MRPL48: variants seen among roughly 807,000 people sequenced by gnomAD.
MRPL48 encodes large ribosomal subunit protein mL48.
MRPL48 carries 16 observed loss-of-function variants against 32.9 expected under a neutral mutation model. That is an observed-to-expected ratio of 0.49 (90% CI 0.33 to 0.74). The LOEUF is 0.74. Among genes scored for constraint, MRPL48 ranks in the 30% least tolerant of loss-of-function variants. The probability of loss-of-function intolerance (pLI) is 0.02; values close to 1 mark genes in which losing one functional copy is unlikely to be tolerated. For synonymous variants in MRPL48, 94 were observed against 89.2 expected (o/e 1.05, Z -0.31); for missense variants, 206 against 245.3 (o/e 0.84, Z 1.07).
chr11:73,810,554 TCTTTA>T (rs1227422692), intron 3 of MRPL48, among the ~76,000 whole-genome samples: 1 of 107,620 alleles, frequency 9.3e-6, no homozygotes, highest in Admixed American at 8.4e-5. Flanking sequence ...ATGTTTTCTT[TCTTTA>T]TTTTTTTTTT....
At chr11:73,811,155 A>T (rs1034325275) in intron 3 of MRPL48, among the ~76,000 whole-genome samples, 3 of 152,224 alleles carry the variant, frequency 2.0e-5, no homozygotes, top group African/African-American at 7.2e-5. Context: ...AGAAGGAAAG[A>T]GTGGCCAACC....
intron 6 of MRPL48, among the ~76,000 whole-genome samples, chr11:73,861,105 C>T (rs1948578265): frequency 6.6e-6 from 1 of 152,160 alleles, no homozygotes; most frequent in East Asian, 1.9e-4. Flanking sequence ...AGGAACATAT[C>T]AGCAAGGTAA....
In MRPL48 at chr11:73,796,870, A is replaced by T. The variant is rs182096828; in HGVS notation, c.22-8157A>T. ...ACCTGAGGTCAGGAGTTTGAGACCA[A>T]CCTGGCCAACATGGTGAGACCCCAT... On this transcript the variant is annotated intron_variant, in intron 1 of 7. Transcript: ENST00000310614. 4.1e-3 allele frequency among the ~76,000 whole-genome samples: 631 copies of T among 152,212 alleles called. 2 individuals carry two copies. Among genetic ancestry groups the T allele is most frequent in the Non-Finnish European group, 5.4e-3 (368 of 67,996 alleles).
intron 1 of MRPL48, among the ~76,000 whole-genome samples, chr11:73,796,928 G>C (rs187208343): frequency 6.6e-6 from 1 of 152,304 alleles, no homozygotes; most frequent in South Asian, 2.1e-4. Context: ...TTAGCCGAGC[G>C]TGGTGGTGGG....
intron 3 of MRPL48, among the ~76,000 whole-genome samples, chr11:73,809,570 T>G (rs748312036): frequency 5.9e-5 from 9 of 152,146 alleles, no homozygotes; most frequent in Non-Finnish European, 1.0e-4. Context: ...TTATTAATAC[T>G]GCTACTATTC....
chr11:73,793,988 T>A (rs978859847), intron 1 of MRPL48, among the ~76,000 whole-genome samples: 1 of 150,798 alleles, frequency 6.6e-6, no homozygotes, highest in African/African-American at 2.4e-5. Context: ...ATTACAGACG[T>A]GAGCCACCAC....
intron 1 of MRPL48, among the ~76,000 whole-genome samples, chr11:73,797,165 G>C (rs1200306461): frequency 6.6e-6 from 1 of 152,100 alleles, no homozygotes; most frequent in Non-Finnish European, 1.5e-5. Context: ...TCTCTGCTGA[G>C]AGCTGGGAAG....
chr11:73,840,109 A>C (rs952804222), intron 4 of MRPL48, among the ~76,000 whole-genome samples: 7 of 152,024 alleles, frequency 4.6e-5, no homozygotes, highest in South Asian at 2.1e-4. Flanking sequence ...AAAAAAAAAA[A>C]AAAACTCAGT....
At chr11:73,824,792 G>A (rs946455466) in intron 3 of MRPL48, among the ~76,000 whole-genome samples, 3 of 152,090 alleles carry the variant, frequency 2.0e-5, no homozygotes, top group Non-Finnish European at 4.4e-5. Flanking sequence ...CTCTGAGAAT[G>A]TATTTTATCC....
chr11:73,827,155 C>A (rs1389480662), intron 4 of MRPL48, among the ~76,000 whole-genome samples: 1 of 151,984 alleles, frequency 6.6e-6, no homozygotes, highest in Non-Finnish European at 1.5e-5. Flanking sequence ...GAAGCTGAGG[C>A]AGGCAGATCT....
intron 1 of MRPL48, among the ~76,000 whole-genome samples, chr11:73,790,880 C>CTTTTTTTTTTTT (rs71469471): frequency 2.8e-4 from 24 of 86,404 alleles, no homozygotes; most frequent in South Asian, 4.3e-4. Flanking sequence ...CTTTTCTGTT[C>CTTTTTTTTTTTT]TTTTTTTTTT....
At position 73,863,216 on chromosome 11, in the gene MRPL48, A is replaced by C. The variant is rs1216124728; in HGVS notation, c.519A>C (p.Ile173=). 6.3e-7 allele frequency: 1 copy of C among 1,580,142 alleles called. No homozygotes were observed. The highest frequency in any genetic ancestry group is 2.3e-5 in the East Asian group (1 of 43,650). Residue 173 remains isoleucine, a synonymous_variant, in exon 7 of 8, where the codon ATA becomes ATC. Transcript: ENST00000310614. The part of the protein sequence containing the change: ...SATFAEIFLE[I]IQSSLPEGVR... ...CGTTTGCAGAAATTTTCTTGGAAAT[A>C]ATCCAAAGCAGTCTTCCTGAAGGAG...
intron 5 of MRPL48, among the ~76,000 whole-genome samples, chr11:73,847,368 T>A (rs1376054586): frequency 1.3e-5 from 2 of 152,178 alleles, no homozygotes; most frequent in African/African-American, 2.4e-5. Context: ...TCTGTTTAAA[T>A]CTTTTGTCCA....
In MRPL48 at chr11:73,820,090, T is replaced by C. The variant is rs61669520; in HGVS notation, c.113-5618T>C. Among the ~76,000 whole-genome samples the C allele has an allele frequency of 1.1e-3, 164 of 152,326 alleles. No homozygotes were observed. In the East Asian group the frequency reaches 0.025, roughly 23 times the overall value. ...GGGGGCTACCAATCTAATCTCCCTA[T>C]TTCCTTCACATAAGAACCAAAATGA... On this transcript the variant is annotated intron_variant, in intron 3 of 7. Coordinates refer to ENST00000310614, the MANE Select transcript of MRPL48 (RefSeq NM_016055.6).
intron 1 of MRPL48, among the ~76,000 whole-genome samples, chr11:73,801,562 T>G (rs1334372996): frequency 1.6e-4 from 24 of 152,206 alleles, no homozygotes; most frequent in Admixed American, 1.6e-3. Flanking sequence ...ATCTTCATGG[T>G]TTTACATCCT....
At chr11:73,860,773 T>C (rs964634648) in intron 6 of MRPL48, among the ~76,000 whole-genome samples, 2 of 152,326 alleles carry the variant, frequency 1.3e-5, no homozygotes, top group Middle Eastern at 3.4e-3. Context: ...AAACGGTTTT[T>C]AGTATAGCCA....
intron 4 of MRPL48, among the ~76,000 whole-genome samples, chr11:73,844,298 G>GT (rs1948245965): frequency 6.6e-6 from 1 of 151,932 alleles, no homozygotes; most frequent in Non-Finnish European, 1.5e-5. Context: ...AGGTGTGGTG[G>GT]GGTGCGCCTG....
intron 5 of MRPL48, among the ~76,000 whole-genome samples, chr11:73,847,734 G>A (rs1179023405): frequency 6.6e-6 from 1 of 151,932 alleles, no homozygotes; most frequent in Non-Finnish European, 1.5e-5. Context: ...GTGAGCCACC[G>A]GGCCTGGCCT....
intron 5 of MRPL48, among the ~76,000 whole-genome samples, chr11:73,846,584 T>C (rs1168618728): frequency 1.3e-5 from 2 of 152,046 alleles, no homozygotes; most frequent in Non-Finnish European, 2.9e-5. Context: ...GGTCTCGAAC[T>C]CCTGACCTCA....
Sources: gnomAD v4.1 joint callset for allele counts (sites outside exome capture counted in the v4.1 genomes callset) on GRCh38, gnomAD v4.1.1 for gene constraint, MANE v1.5 for transcripts, NCBI Gene and HGNC (gene_info 2026-07-23, HGNC 2026-07-21) for gene names.